ABCC2: variants seen among roughly 807,000 people sequenced by gnomAD.
The protein encoded by ABCC2 is ATP binding cassette subfamily C member 2, also known as ATP-binding cassette sub-family C member 2.
A neutral mutation model predicts 173.4 loss-of-function variants in ABCC2; 157 were observed. That is an observed-to-expected ratio of 0.91 (90% CI 0.80 to 1.03). The LOEUF (loss-of-function observed/expected upper bound fraction) is 1.03. Among genes scored for constraint, ABCC2 ranks in the 50% least tolerant of loss-of-function variants. ABCC2 has a pLI of 0.00. For missense variants in ABCC2, 1,822 were observed against 1,852.3 expected (o/e 0.98, Z 0.30); for synonymous variants, 657 against 693.5 (o/e 0.95, Z 0.83).
chr10:99,789,993 T>C (rs987451992), intron 2 of ABCC2, among the ~76,000 whole-genome samples: 1 of 152,232 alleles, frequency 6.6e-6, no homozygotes, highest in South Asian at 2.1e-4. Context: ...GAATGTACCA[T>C]AATTTATGTG....
intron 19 of ABCC2, among the ~76,000 whole-genome samples, chr10:99,820,634 T>C (rs949893073): frequency 1.3e-4 from 20 of 152,184 alleles, no homozygotes; most frequent in African/African-American, 4.3e-4. Flanking sequence ...AGGAAGTCTG[T>C]AGCTTTGGAA....
Position 99,845,780 on chromosome 10 carries a change from C to T in ABCC2, c.4144C>T (p.Gln1382Ter), listed in dbSNP as rs754267460. Residue 1382 changes from glutamine to a stop codon, truncating the protein, a stop_gained and splice_region_variant, in exon 29 of 32, where the codon CAG becomes TAG. Transcript: ENST00000647814. LOFTEE classifies it high-confidence loss of function. ...DLREKLTIIP[Q>*]DPILFSGSLR... ...CCGAGAGAAGCTGACCATCATCCCCCAGGTGAGCTCTAGAACTTACTCGGG... is the reference window on the plus strand; with the variant it reads ...CCGAGAGAAGCTGACCATCATCCCCTAGGTGAGCTCTAGAACTTACTCGGG... 24 of 1,610,444 alleles carry T rather than the reference C, an allele frequency of 1.5e-5. No individual in the cohort carries two copies. Among genetic ancestry groups the T allele is most frequent in the Non-Finnish European group, 2.0e-5 (24 of 1,178,872 alleles).
In ABCC2 at chr10:99,814,243, A is replaced by ACACATGTGTATATATG. The variant is rs1304022228; in HGVS notation, c.2094+1103_2094+1104insTGTGTATATATGCACA. Among the ~76,000 whole-genome samples, 7 of 65,140 alleles carry ACACATGTGTATATATG rather than the reference A, an allele frequency of 1.1e-4. 1 individual carries two copies. The highest frequency in any genetic ancestry group is 2.1e-4 in the Non-Finnish European group (7 of 33,226). 42.7% of individuals were successfully genotyped at this position (65,140 alleles called of 152,430 possible). A position where few individuals can be genotyped will look rare whatever the true frequency, so the allele number is the denominator to read the frequency against. On this transcript the variant is annotated intron_variant, in intron 16 of 31. Coordinates refer to ENST00000647814, the MANE Select transcript of ABCC2 (RefSeq NM_000392.5). ...TATATACACACATGTGTATATATGC[A>ACACATGTGTATATATG]CACACGTATGTATACACACGTATGT...
In ABCC2 at chr10:99,810,152, C is replaced by T. The variant is rs777791701; in HGVS notation, c.1834C>T (p.Arg612Trp). Residue 612 changes from arginine (R) to tryptophan (W), a missense_variant, in exon 14 of 32, where the codon CGG becomes TGG. Coordinates refer to ENST00000647814, the MANE Select transcript of ABCC2 (RefSeq NM_000392.5). ...SMLQASVSTE[R>W]LEKYLGGDDL... ...TCTCTAGGCCAGTGTTTCCACAGAGCGGCTAGAGAAGTACTTGGGAGGGGA... is the reference window on the plus strand; with the variant it reads ...TCTCTAGGCCAGTGTTTCCACAGAGTGGCTAGAGAAGTACTTGGGAGGGGA... The T allele has an allele frequency of 4.3e-6, 7 of 1,613,350 alleles. No individual in the cohort carries two copies. The highest frequency in any genetic ancestry group is 2.2e-5 in the East Asian group (1 of 44,870).
At chr10:99,820,172 A>C (rs1019146051) in intron 19 of ABCC2, among the ~76,000 whole-genome samples, 41 of 151,930 alleles carry the variant, frequency 2.7e-4, no homozygotes, top group Non-Finnish European at 1.0e-4. Context: ...CGGGTGGATC[A>C]CCTGAGGTCA....
intron 11 of ABCC2, among the ~76,000 whole-genome samples, chr10:99,806,822 A>G (rs2038115577): frequency 6.6e-6 from 1 of 152,236 alleles, no homozygotes; most frequent in African/African-American, 2.4e-5. Context: ...ATACATCTTA[A>G]CATTATCCTA....
intron 10 of ABCC2, among the ~76,000 whole-genome samples, chr10:99,804,615 A>G (rs1487147811): frequency 2.0e-5 from 3 of 152,068 alleles, no homozygotes; most frequent in Admixed American, 1.3e-4. Flanking sequence ...AATCTAAACC[A>G]ACCACAGAGA....
intron 31 of ABCC2, 144 bp downstream of exon 31, chr10:99,850,940 A>T (rs998831635): frequency 3.9e-6 from 4 of 1,027,518 alleles, no homozygotes; most frequent in Non-Finnish European, 5.9e-6. Flanking sequence ...GATGTCAAGT[A>T]ATCTGGCCAA....
chr10:99,797,115 C>T lies in ABCC2; in HGVS notation c.651C>T (p.Tyr217=). 6.2e-7 allele frequency: 1 copy of T among 1,614,140 alleles called. No homozygotes were observed. The highest frequency in any genetic ancestry group is 8.5e-7 in the Non-Finnish European group (1 of 1,180,000). The part of the protein sequence containing the change: ...SWYDSIILKG[Y]KRPLTLEDVW... ...GTTCCAGCATCATTCTGAAAGGCTACAAGCGTCCTCTGACACTCGAGGATG... is the reference window on the plus strand; with the variant it reads ...GTTCCAGCATCATTCTGAAAGGCTATAAGCGTCCTCTGACACTCGAGGATG... The change falls in exon 7 of 32, where the codon TAC becomes TAT. Residue 217 remains tyrosine (Y), a synonymous_variant. Transcript: ENST00000647814.
Position 99,814,125 on chromosome 10 carries a change from ATATGTG to A in ABCC2, c.2094+983_2094+988del, listed in dbSNP as rs1479247873. Among the ~76,000 whole-genome samples the A allele has an allele frequency of 3.5e-4, 44 of 124,532 alleles. 9 individuals carry two copies. The highest frequency in any genetic ancestry group is 1.1e-3 in the African/African-American group (37 of 33,422). The allele number at this position is 124,532 out of a possible 152,430, so 81.7% of individuals were successfully genotyped here. On this transcript the variant is annotated intron_variant, in intron 16 of 31. Transcript: ENST00000647814. ...TACACACATATGTGTATATACACAC[ATATGTG>A]TGTATATATACACACATGTATGTAT... is the stretch of plus-strand genomic sequence containing the variant.
intron 5 of ABCC2, among the ~76,000 whole-genome samples, 177 bp downstream of exon 5, chr10:99,794,176 C>T (rs1237021415): frequency 6.6e-6 from 1 of 152,062 alleles, no homozygotes; most frequent in African/African-American, 2.4e-5. Flanking sequence ...CTTTTACTTT[C>T]ACCTACCAAT....
In ABCC2 at chr10:99,847,095, C is replaced by G. The variant is rs2039029006; in HGVS notation, c.4281C>G (p.Ser1427=). ...SFVASLQLGL[S]HEVTEAGGNL... ...TGGCCAGCCTGCAACTTGGGTTATC[C>G]CACGAAGTGACAGAGGCTGGTGGCA... Residue 1427 remains serine, a synonymous_variant, in exon 30 of 32, where the codon TCC becomes TCG. Coordinates refer to ENST00000647814, the MANE Select transcript of ABCC2 (RefSeq NM_000392.5). The G allele has an allele frequency of 6.2e-7, 1 of 1,613,968 alleles. No individual in the cohort carries two copies.
chr10:99,828,546 G>A (rs138309333), intron 19 of ABCC2, among the ~76,000 whole-genome samples: 201 of 152,262 alleles, frequency 1.3e-3, no homozygotes, highest in African/African-American at 4.5e-3. Context: ...CCTAGTTTCC[G>A]GTGGTTTGGT....
chr10:99,832,849 C>T (rs1357859809), intron 23 of ABCC2, among the ~76,000 whole-genome samples: 1 of 152,210 alleles, frequency 6.6e-6, no homozygotes, highest in Non-Finnish European at 1.5e-5. Context: ...TTTCTATGAG[C>T]CAACTACTGT....
At chr10:99,834,280 A>G in intron 23 of ABCC2, 100 bp from the exon 24 acceptor site, 1 of 1,223,456 alleles carries the variant, frequency 8.2e-7, no homozygotes, top group Middle Eastern at 2.1e-4. Context: ...GAGTACTGGG[A>G]ACACACAGAA....
chr10:99,793,437 A>G (rs537154845), intron 3 of ABCC2, 114 bp from the exon 4 acceptor site: 1 of 1,487,970 alleles, frequency 6.7e-7, no homozygotes, highest in Admixed American at 1.7e-5. Flanking sequence ...CAGATTAGTC[A>G]CGACAGTCTC....
chr10:99,805,617 A>G (rs908561505), intron 11 of ABCC2, among the ~76,000 whole-genome samples, 170 bp downstream of exon 11: 5 of 152,058 alleles, frequency 3.3e-5, no homozygotes, highest in African/African-American at 9.7e-5. Context: ...TTGAACCCCA[A>G]TTTCTATTTA....
chr10:99,836,632 G>A (rs1255410824), intron 25 of ABCC2, among the ~76,000 whole-genome samples: 2 of 152,180 alleles, frequency 1.3e-5, no homozygotes, highest in Admixed American at 1.3e-4. Flanking sequence ...TTGTAACCCA[G>A]TACCAAATAA....
chr10:99,844,564 A>T (rs1590192259), intron 28 of ABCC2, 99 bp downstream of exon 28: 2 of 1,513,752 alleles, frequency 1.3e-6, no homozygotes, highest in South Asian at 1.1e-5. Context: ...CATCATTTGG[A>T]TGGAGGGAAA....
Sources: allele counts gnomAD v4.1 joint callset (sites outside exome capture counted in the v4.1 genomes callset), GRCh38; gene constraint gnomAD v4.1.1; transcripts MANE v1.5; gene names NCBI Gene and HGNC (gene_info 2026-07-23, HGNC 2026-07-21).